Variants in KITLG observed in about 807,000 individuals in gnomAD.
KITLG encodes the protein KIT ligand.
Under a neutral mutation model 34.1 loss-of-function variants are expected in KITLG, and 13 were observed. The observed-to-expected ratio is 0.38, with a 90% confidence interval of 0.25 to 0.61. KITLG has a LOEUF of 0.61. Ranked by LOEUF, KITLG falls within the 20% of genes least tolerant of loss-of-function variation. KITLG has a pLI of 0.60. For synonymous variants in KITLG, 110 were observed against 104.0 expected (o/e 1.06, Z -0.35); for missense variants, 292 against 318.9 (o/e 0.92, Z 0.64).
chr12:88,549,677 G>T (rs747240843), intron 1 of KITLG, among the ~76,000 whole-genome samples: 1 of 152,152 alleles, frequency 6.6e-6, no homozygotes, highest in Non-Finnish European at 1.5e-5. Context: ...TAGTGATAAT[G>T]CCAGGTCAAG....
intron 2 of KITLG, among the ~76,000 whole-genome samples, chr12:88,542,439 T>G (rs1870549350): frequency 6.6e-6 from 1 of 152,112 alleles, no homozygotes; most frequent in Non-Finnish European, 1.5e-5. Context: ...CACAGCCAGG[T>G]AATAGTGGAG....
At chr12:88,568,306 TTTATTTATTTA>T (rs776701639) in intron 1 of KITLG, among the ~76,000 whole-genome samples, 1 of 124,020 alleles carries the variant, frequency 8.1e-6, no homozygotes, top group South Asian at 2.8e-4. Flanking sequence ...TATTTATTTA[TTTATTTATTTA>T]TTTATTTTAT....
chr12:88,537,654 A>G lies in KITLG; in HGVS notation c.130-5151T>C, dbSNP rs60854373. On this transcript the variant is annotated intron_variant, in intron 2 of 9. Transcript: ENST00000644744. ...GTTGAAAGTATATTAAAAAGAAAAA[A>G]CCACAAATATTCTAAAATCTGAAAA... is the stretch of plus-strand genomic sequence containing the variant. 2.0e-3 allele frequency among the ~76,000 whole-genome samples: 308 copies of G among 152,062 alleles called. 1 individual carries two copies. Among genetic ancestry groups the G allele is most frequent in the African/African-American group, 7.2e-3 (298 of 41,476 alleles).
intron 1 of KITLG, among the ~76,000 whole-genome samples, chr12:88,552,176 AT>A (rs200666559): frequency 0.024 from 3,315 of 137,184 alleles, 58 homozygotes; most frequent in African/African-American, 0.061. Context: ...AATTATGATA[AT>A]TTTTTTTTTT....
chr12:88,527,523 C>T (rs760717652), intron 3 of KITLG, among the ~76,000 whole-genome samples: 2 of 152,142 alleles, frequency 1.3e-5, no homozygotes, highest in African/African-American at 2.4e-5. Flanking sequence ...TTTAGCTGTG[C>T]CTTTAAAAAG....
chr12:88,573,192 A>C (rs1023227655), intron 1 of KITLG, among the ~76,000 whole-genome samples: 2 of 152,168 alleles, frequency 1.3e-5, no homozygotes. Context: ...CTCCATCTAG[A>C]GTTCTGCAGT....
chr12:88,524,579 T>G (rs899351294), intron 3 of KITLG, among the ~76,000 whole-genome samples: 1 of 152,132 alleles, frequency 6.6e-6, no homozygotes, highest in East Asian at 1.9e-4. Flanking sequence ...TAATTTCAGC[T>G]GCTCGTTTTT....
intron 2 of KITLG, among the ~76,000 whole-genome samples, chr12:88,539,006 A>G (rs1009173021): frequency 2.0e-5 from 3 of 152,170 alleles, no homozygotes; most frequent in Non-Finnish European, 2.9e-5. Flanking sequence ...CAGCATTTGG[A>G]AATGCTGGAG....
chr12:88,539,356 CTA>C (rs1323882883), intron 2 of KITLG, among the ~76,000 whole-genome samples: 2 of 151,986 alleles, frequency 1.3e-5, no homozygotes, highest in Non-Finnish European at 2.9e-5. Context: ...GGGAAAGAGT[CTA>C]TGATTTTCAG....
chr12:88,578,316 G>A (rs1871898259), intron 1 of KITLG, among the ~76,000 whole-genome samples: 1 of 152,114 alleles, frequency 6.6e-6, no homozygotes, highest in South Asian at 2.1e-4. Flanking sequence ...TTCAACAAGG[G>A]TACTGCCCTC....
At chr12:88,570,952 T>C (rs1871630957) in intron 1 of KITLG, among the ~76,000 whole-genome samples, 1 of 152,174 alleles carries the variant, frequency 6.6e-6, no homozygotes, top group South Asian at 2.1e-4. Flanking sequence ...TGGCCTACTT[T>C]GTTATTTCTT....
rs1869548398 is a variant in KITLG at position 88,518,737 on chromosome 12, A to G, written c.323T>C (p.Val108Ala). 3 of 1,613,590 alleles carry G rather than the reference A, an allele frequency of 1.9e-6. No individual in the cohort carries two copies. The highest frequency in any genetic ancestry group is 2.5e-6 in the Non-Finnish European group (3 of 1,179,642). ...TTTCACGCACTCCACAAGGTCATCC[A>G]CTATATTCACAAGTTTGTCTATGAT... Reference protein sequence around the residue: ...YSIIDKLVNIVDDLVECVKEN... With the variant: ...YSIIDKLVNIADDLVECVKEN... Residue 108 changes from valine (V) to alanine (A), a missense_variant, in exon 4 of 10, where the codon GTG (valine) becomes GCG (alanine). Physicochemically the swap from Val to Ala is moderately conservative, Grantham distance 64. Transcript: ENST00000644744.
At chr12:88,565,244 T>C (rs1206666775) in intron 1 of KITLG, among the ~76,000 whole-genome samples, 1 of 152,196 alleles carries the variant, frequency 6.6e-6, no homozygotes, top group East Asian at 1.9e-4. Context: ...GTTAACAGAA[T>C]TTTAAAGGAA....
intron 3 of KITLG, among the ~76,000 whole-genome samples, chr12:88,529,078 C>T (rs1869983509): frequency 1.3e-5 from 2 of 152,180 alleles, no homozygotes; most frequent in Admixed American, 6.6e-5. Flanking sequence ...TCATTACACA[C>T]TGTATGGTTG....
intron 3 of KITLG, among the ~76,000 whole-genome samples, chr12:88,529,911 T>G (rs1870020739): frequency 6.6e-6 from 1 of 152,200 alleles, no homozygotes; most frequent in Non-Finnish European, 1.5e-5. Context: ...TGTGCCAGTA[T>G]AGCATGCCAG....
At chr12:88,578,683 A>G (rs1331147014) in intron 1 of KITLG, among the ~76,000 whole-genome samples, 1 of 152,276 alleles carries the variant, frequency 6.6e-6, no homozygotes, top group African/African-American at 2.4e-5. Context: ...AGTGTTGGAC[A>G]TTAACCTTAT....
chr12:88,533,874 G>A (rs1870202100), intron 2 of KITLG, among the ~76,000 whole-genome samples: 2 of 151,992 alleles, frequency 1.3e-5, no homozygotes, highest in Admixed American at 1.3e-4. Context: ...GTAGTCACAT[G>A]GGAGCTAAGA....
At chr12:88,575,910 GC>G (rs1288465143) in intron 1 of KITLG, among the ~76,000 whole-genome samples, 21 of 151,984 alleles carry the variant, frequency 1.4e-4, no homozygotes, top group Non-Finnish European at 2.8e-4. Flanking sequence ...TCTCAAACTA[GC>G]ATAATGAAAA....
chr12:88,519,246 G>A (rs1171358515), intron 3 of KITLG, among the ~76,000 whole-genome samples: 1 of 152,118 alleles, frequency 6.6e-6, no homozygotes, highest in Non-Finnish European at 1.5e-5. Flanking sequence ...AGGGACTAGT[G>A]TGACAGGAGG....
Sources: allele counts gnomAD v4.1 joint callset (sites outside exome capture counted in the v4.1 genomes callset), GRCh38; gene constraint gnomAD v4.1.1; transcripts MANE v1.5; gene names NCBI Gene and HGNC (gene_info 2026-07-23, HGNC 2026-07-21).